Variants in TRMT2B observed in about 807,000 individuals in gnomAD.
TRMT2B encodes tRNA (uracil-5-)-methyltransferase homolog B.
TRMT2B carries 34 observed loss-of-function variants against 39.7 expected under a neutral mutation model. That is an observed-to-expected ratio of 0.86 (90% confidence interval 0.65 to 1.14). The LOEUF is 1.14. TRMT2B is among the 50% of genes most tolerant of loss of function. TRMT2B has a pLI of 0.00. For missense variants in TRMT2B, 318 were observed against 377.2 expected (o/e 0.84, Z 1.30); for synonymous variants, 132 against 137.3 (o/e 0.96, Z 0.27).
chrX:101,021,114 G>A lies in TRMT2B; in HGVS notation c.1053C>T (p.Ile351=). The change falls in exon 10 of 14, where the codon ATC becomes ATT. Residue 351 remains isoleucine, a synonymous_variant. Coordinates refer to ENST00000372936, the MANE Select transcript of TRMT2B (RefSeq NM_024917.6). The part of the protein sequence containing the change: ...GVNSDTILLD[I]CCGTGVIGLS... ...GCTTCCACTTGCCAGTTCCACAGCA[G>A]ATGTCAAGAAGGATGGTGTCAGAGT... The A allele has an allele frequency of 3.3e-6, 4 of 1,210,598 alleles. No individual in the cohort carries two copies. Among genetic ancestry groups the A allele is most frequent in the Non-Finnish European group, 3.4e-6 (3 of 894,987 alleles).
chrX:100,977,009 A>T, the TRMT2B span, among the ~76,000 whole-genome samples: 1 of 112,691 alleles, frequency 8.9e-6, no homozygotes, highest in Non-Finnish European at 1.9e-5. Flanking sequence ...TTTGGCACAC[A>T]AGCCATTTTT....
At chrX:101,015,544 T>C in intron 13 of TRMT2B, 3 of 498,381 alleles carry the variant, frequency 6.0e-6, no homozygotes, top group Non-Finnish European at 4.9e-6. Flanking sequence ...ATTTTGTAAA[T>C]ACCTTTATAA....
chrX:101,024,989 GA>G (rs1203548990), intron 7 of TRMT2B, among the ~76,000 whole-genome samples: 37 of 99,642 alleles, frequency 3.7e-4, no homozygotes, highest in Admixed American at 9.8e-4. Flanking sequence ...CTGTGTCTCG[GA>G]AAAAAAAAAA....
At chrX:101,022,647 A>T (rs1300482984) in intron 8 of TRMT2B, among the ~76,000 whole-genome samples, 1 of 108,478 alleles carries the variant, frequency 9.2e-6, no homozygotes, top group East Asian at 2.9e-4. Flanking sequence ...AATCAAAAAA[A>T]TTAGCCAGGT....
intron 2 of TRMT2B, among the ~76,000 whole-genome samples, chrX:101,046,116 A>C (rs1240692957): frequency 1.0e-5 from 1 of 98,075 alleles, no homozygotes; most frequent in East Asian, 3.1e-4. Context: ...ACTGCACTCC[A>C]GCCTGGGCGA....
rs987582413 is a variant in TRMT2B at position 101,051,119 on chromosome X, G to A, written c.-24+132C>T. The A allele has an allele frequency of 3.2e-5, 6 of 187,727 alleles. No homozygotes were observed. The Admixed American group carries it at 4.9e-4, about 15-fold the overall frequency. 15.5% of individuals were successfully genotyped at this position (187,727 alleles called of 1,213,427 possible). A position where few individuals can be genotyped will look rare whatever the true frequency, so the allele number is the denominator to read the frequency against. ...AAAAAGCGTGTGAGCAGTCGTGCTC[G>A]ACTGTTCTATACCTGCCTCAGGAAT... On this transcript the variant is annotated intron_variant, in intron 2 of 13. Coordinates refer to ENST00000372936, the MANE Select transcript of TRMT2B (RefSeq NM_024917.6).
At chrX:101,011,635 T>C (rs1471686211) in intron 13 of TRMT2B, among the ~76,000 whole-genome samples, 1 of 111,296 alleles carries the variant, frequency 9.0e-6, no homozygotes, top group Non-Finnish European at 1.9e-5. Context: ...GGCTCATGCC[T>C]GAAATCCCAG....
intron 13 of TRMT2B, 87 bp downstream of exon 13, chrX:101,018,884 T>C: frequency 1.6e-6 from 1 of 644,035 alleles, no homozygotes; most frequent in Non-Finnish European, 2.6e-6. Context: ...ACTTGAAAGC[T>C]CAAATCACTT....
the TRMT2B span, among the ~76,000 whole-genome samples, chrX:100,987,729 T>C: frequency 1.8e-5 from 2 of 111,617 alleles, no homozygotes; most frequent in African/African-American, 3.3e-5. Context: ...CCAACATTGT[T>C]AGGTATACCC....
At chrX:100,996,674 C>A in the TRMT2B span, among the ~76,000 whole-genome samples, 2 of 111,744 alleles carry the variant, frequency 1.8e-5, no homozygotes, top group African/African-American at 6.5e-5. Context: ...TCCAAGCCGA[C>A]CAAATAAGTC....
chrX:100,983,446 T>C, the TRMT2B span, among the ~76,000 whole-genome samples: 3 of 110,036 alleles, frequency 2.7e-5, no homozygotes, highest in African/African-American at 9.9e-5. Context: ...AACCTCTGCC[T>C]CCCGGGTTCA....
At chrX:100,997,482 T>C in the TRMT2B span, among the ~76,000 whole-genome samples, 2 of 111,902 alleles carry the variant, frequency 1.8e-5, no homozygotes, top group African/African-American at 6.5e-5. Context: ...TTGTTCAAGA[T>C]TTAATTCAGG....
the TRMT2B span, among the ~76,000 whole-genome samples, chrX:100,976,207 G>A: frequency 1.2e-3 from 126 of 109,417 alleles, no homozygotes; most frequent in African/African-American, 3.9e-3. Context: ...CTTTAGTCTC[G>A]GTGGGCCCTA....
chrX:101,041,303 GGC>G lies in TRMT2B; in HGVS notation c.303+12_303+13del, dbSNP rs2088223951. On this transcript the variant is annotated intron_variant, in intron 4 of 13. Coordinates refer to ENST00000372936, the MANE Select transcript of TRMT2B (RefSeq NM_024917.6). ...CCTGGAAAGGAGGGGTAAAGACTTA[GGC>G]TGGGCACCTACCTTGAGCTGTTCTT... is the stretch of plus-strand genomic sequence containing the variant. The G allele has an allele frequency of 9.9e-6, 12 of 1,207,760 alleles. No individual in the cohort carries two copies. The highest frequency in any genetic ancestry group is 1.3e-5 in the Non-Finnish European group (12 of 892,337).
At chrX:101,018,485 C>T (rs1433580900) in intron 13 of TRMT2B, among the ~76,000 whole-genome samples, 1 of 107,094 alleles carries the variant, frequency 9.3e-6, no homozygotes, top group Non-Finnish European at 1.9e-5. Flanking sequence ...CTCTGTCGCC[C>T]AGGCTGGAGT....
In TRMT2B at chrX:101,021,168, A is replaced by G. The variant is rs780194829; in HGVS notation, c.999T>C (p.Tyr333=). Residue 333 remains tyrosine, a synonymous_variant, in exon 10 of 14, where the codon TAT becomes TAC. Transcript: ENST00000372936. ...CTCCAGTCAGCTCCCCCACAGTCCG[A>G]TACAGCATCTCTGCACCAGCTGTGT... ...QINTAGAEML[Y]RTVGELTGVN... is the part of the protein sequence containing the mutation. 4.1e-6 allele frequency: 5 copies of G among 1,211,670 alleles called. No homozygotes were observed. The East Asian group carries it at 1.2e-4, about 29-fold the overall frequency.
the TRMT2B span, among the ~76,000 whole-genome samples, chrX:100,981,377 CA>C: frequency 7.2e-5 from 8 of 111,528 alleles, no homozygotes; most frequent in South Asian, 3.1e-3. Context: ...CAAAGTCCTA[CA>C]ATCACTGCAC....
the TRMT2B span, among the ~76,000 whole-genome samples, chrX:100,982,134 T>A: frequency 9.0e-6 from 1 of 110,747 alleles, no homozygotes; most frequent in African/African-American, 3.3e-5. Flanking sequence ...TGGGGAGCTT[T>A]TTAAAAAAAT....
intron 6 of TRMT2B, among the ~76,000 whole-genome samples, chrX:101,035,904 A>G (rs1196710440): frequency 1.8e-5 from 2 of 111,854 alleles, no homozygotes; most frequent in Non-Finnish European, 3.8e-5. Context: ...CTCACGCCAC[A>G]AATGCACTAT....
Sources: allele counts gnomAD v4.1 joint callset (sites outside exome capture counted in the v4.1 genomes callset), GRCh38; gene constraint gnomAD v4.1.1; transcripts MANE v1.5; gene names NCBI Gene and HGNC (gene_info 2026-07-23, HGNC 2026-07-21).